The following ANKS1B variants were observed in gnomAD, a reference collection of about 807,000 sequenced individuals.
ANKS1B encodes the protein ankyrin repeat and sterile alpha motif domain containing 1B, also known as ankyrin repeat and sterile alpha motif domain-containing protein 1B.
A neutral mutation model predicts 148.3 loss-of-function variants in ANKS1B; 36 were observed. That is an observed-to-expected ratio of 0.24 (90% CI 0.19 to 0.32). ANKS1B has a LOEUF of 0.32. Ranked by LOEUF, ANKS1B falls within the 10% of genes least tolerant of loss-of-function variation. ANKS1B has a pLI of 1.00. For missense variants in ANKS1B, 1,157 were observed against 1,542.6 expected, an observed-to-expected ratio of 0.75 and a Z score of 4.19; for synonymous variants, 542 against 560.8, an observed-to-expected ratio of 0.97 and a Z score of 0.47.
chr12:99,777,658 C>T (rs908947154), intron 6 of ANKS1B, among the ~76,000 whole-genome samples: 5 of 152,112 alleles, frequency 3.3e-5, no homozygotes, highest in Non-Finnish European at 7.3e-5. Flanking sequence ...GATCTCGGCT[C>T]ACTGCAACCT....
intron 12 of ANKS1B, among the ~76,000 whole-genome samples, chr12:99,368,292 G>A (rs551690442): frequency 6.6e-6 from 1 of 151,980 alleles, no homozygotes; most frequent in Non-Finnish European, 1.5e-5. Flanking sequence ...CACGACCTAG[G>A]TGACAGGATC....
intron 12 of ANKS1B, among the ~76,000 whole-genome samples, chr12:99,365,238 A>G (rs2092701866): frequency 6.6e-6 from 1 of 152,176 alleles, no homozygotes; most frequent in South Asian, 2.1e-4. Flanking sequence ...GAGCATTAAC[A>G]CAGAGGCCCA....
intron 1 of ANKS1B, among the ~76,000 whole-genome samples, chr12:99,933,279 T>A (rs909469813): frequency 2.0e-5 from 3 of 152,164 alleles, no homozygotes; most frequent in African/African-American, 7.2e-5. Flanking sequence ...TTAGGATTAT[T>A]TTTTATGTTT....
chr12:99,935,205 G>C (rs568126264), intron 1 of ANKS1B, among the ~76,000 whole-genome samples: 1 of 152,106 alleles, frequency 6.6e-6, no homozygotes, highest in Non-Finnish European at 1.5e-5. Flanking sequence ...GAGATGGATG[G>C]GTAGAATAGA....
chr12:99,134,536 G>A (rs2067212984), intron 15 of ANKS1B, among the ~76,000 whole-genome samples: 1 of 151,870 alleles, frequency 6.6e-6, no homozygotes, highest in South Asian at 2.1e-4. Flanking sequence ...AAAGGTCTGT[G>A]TATTGAACAG....
intron 1 of ANKS1B, among the ~76,000 whole-genome samples, chr12:99,843,356 G>A (rs2086080287): frequency 6.6e-6 from 1 of 151,922 alleles, no homozygotes; most frequent in Admixed American, 6.6e-5. Flanking sequence ...CCCATCACCT[G>A]GCTATTAAGC....
intron 3 of ANKS1B, among the ~76,000 whole-genome samples, chr12:99,807,370 T>C (rs1279404693): frequency 6.6e-6 from 1 of 152,076 alleles, no homozygotes; most frequent in African/African-American, 2.4e-5. Flanking sequence ...TCAATGAGAT[T>C]TTCCTAGAAA....
At chr12:99,236,869 T>C (rs1008573972) in intron 14 of ANKS1B, among the ~76,000 whole-genome samples, 7 of 152,160 alleles carry the variant, frequency 4.6e-5, no homozygotes, top group Admixed American at 1.3e-4. Context: ...AAATTCTGCA[T>C]GTTCTCACTT....
chr12:98,794,944 G>A lies in ANKS1B; in HGVS notation c.3342+3990C>T. ...GAAAATGGCACAGCAGCTACAAGAGGATGTGGACATGGAAGATGCTTCTTA... is the reference window on the plus strand; with the variant it reads ...GAAAATGGCACAGCAGCTACAAGAGAATGTGGACATGGAAGATGCTTCTTA... On this transcript the variant is annotated intron_variant, in intron 22 of 26. Transcript: ENST00000683438. 3 of 1,256,288 alleles carry A rather than the reference G, an allele frequency of 2.4e-6. No individual in the cohort carries two copies. The South Asian group carries it at 3.6e-5, about 15-fold the overall frequency. The allele number at this position is 1,256,288 out of a possible 1,614,324, so 77.8% of individuals were successfully genotyped here.
At chr12:99,944,057 A>C (rs2094990856) in intron 1 of ANKS1B, among the ~76,000 whole-genome samples, 1 of 148,368 alleles carries the variant, frequency 6.7e-6, no homozygotes, top group Non-Finnish European at 1.5e-5. Context: ...TCCTTTCCCC[A>C]CTCCTCCACC....
intron 25 of ANKS1B, among the ~76,000 whole-genome samples, chr12:98,756,722 T>A (rs555654323): frequency 2.1e-5 from 3 of 145,366 alleles, no homozygotes; most frequent in Admixed American, 1.4e-4. Context: ...CGAGACTCCA[T>A]CTATCTTTTT....
At chr12:98,878,227 TG>T (rs2099696658) in intron 17 of ANKS1B, among the ~76,000 whole-genome samples, 1 of 146,136 alleles carries the variant, frequency 6.8e-6, no homozygotes, top group East Asian at 2.0e-4. Flanking sequence ...TTATGAAAGA[TG>T]AAAAAAAAAA....
Position 99,245,590 on chromosome 12 carries a change from A to C in ANKS1B, c.2346+685T>G, listed in dbSNP as rs1417754163. Among the ~76,000 whole-genome samples, 3 of 152,326 alleles carry C rather than the reference A, an allele frequency of 2.0e-5. No homozygotes were observed. The East Asian group carries it at 5.8e-4, about 29-fold the overall frequency. On this transcript the variant is annotated intron_variant, in intron 13 of 26. Coordinates refer to ENST00000683438, the MANE Select transcript of ANKS1B (RefSeq NM_001352186.2). ...AGACCATATCCATTTCTAGTTCTCCAAATACTATAATGATCTATTGTGCTT... is the reference window on the plus strand; with the variant it reads ...AGACCATATCCATTTCTAGTTCTCCCAATACTATAATGATCTATTGTGCTT...
chr12:99,689,866 T>TA, intron 8 of ANKS1B, among the ~76,000 whole-genome samples: 1 of 152,164 alleles, frequency 6.6e-6, no homozygotes, highest in Non-Finnish European at 1.5e-5. Context: ...ACCACAGTCT[T>TA]AAAAGACAAC....
intron 11 of ANKS1B, among the ~76,000 whole-genome samples, chr12:99,440,765 C>T (rs1594842217): frequency 1.3e-5 from 2 of 151,842 alleles, no homozygotes; most frequent in African/African-American, 4.8e-5. Flanking sequence ...AAAGCAAGGA[C>T]TCCTTCGTTA....
intron 17 of ANKS1B, among the ~76,000 whole-genome samples, chr12:98,855,175 A>G (rs1479013400): frequency 6.6e-6 from 1 of 152,092 alleles, no homozygotes; most frequent in Non-Finnish European, 1.5e-5. Flanking sequence ...CAAAAAAAAA[A>G]AAAAAAAAAT....
At chr12:98,741,400 G>C (rs2097797968), downstream of ANKS1B, among the ~76,000 whole-genome samples, 2 of 152,204 alleles carry the variant, frequency 1.3e-5, no homozygotes, top group African/African-American at 4.8e-5. Flanking sequence ...CCACAGATGA[G>C]TTCTGTGTGG....
chr12:99,089,390 T>G (rs1261977191), intron 15 of ANKS1B, among the ~76,000 whole-genome samples: 9 of 152,192 alleles, frequency 5.9e-5, no homozygotes. Flanking sequence ...ATGTTAAGAA[T>G]GACCCCTCAA....
At chr12:99,356,567 C>G (rs2092004469) in intron 12 of ANKS1B, among the ~76,000 whole-genome samples, 1 of 152,146 alleles carries the variant, frequency 6.6e-6, no homozygotes, top group Non-Finnish European at 1.5e-5. Context: ...AAGGGCTCAT[C>G]TCCATTTTTG....
Sources: gnomAD v4.1 joint callset for allele counts (sites outside exome capture counted in the v4.1 genomes callset) on GRCh38, gnomAD v4.1.1 for gene constraint, MANE v1.5 for transcripts, NCBI Gene and HGNC (gene_info 2026-07-23, HGNC 2026-07-21) for gene names.